FSTL5: variants seen among roughly 807,000 people sequenced by gnomAD.
FSTL5 encodes the protein follistatin-related protein 5.
A neutral mutation model predicts 89.1 loss-of-function variants in FSTL5; 62 were observed. That is an observed-to-expected ratio of 0.70 (90% confidence interval 0.57 to 0.86). The LOEUF (loss-of-function observed/expected upper bound fraction) is 0.86. Among genes scored for constraint, FSTL5 ranks in the 40% least tolerant of loss-of-function variants. The probability of loss-of-function intolerance (pLI) is 0.00; values close to 1 mark genes in which losing one functional copy is unlikely to be tolerated. For synonymous variants in FSTL5, 383 were observed against 346.2 expected (o/e 1.11, Z -1.18); for missense variants, 1,057 against 1,001.6 (o/e 1.06, Z -0.75).
intron 1 of FSTL5, among the ~76,000 whole-genome samples, chr4:162,128,834 A>G (rs1385169422): frequency 6.6e-6 from 1 of 152,168 alleles, no homozygotes; most frequent in Admixed American, 6.5e-5. Context: ...TCTCATTGTA[A>G]AAGACTTCAT....
intron 7 of FSTL5, among the ~76,000 whole-genome samples, chr4:161,610,313 A>G (rs923412447): frequency 3.3e-5 from 5 of 152,144 alleles, no homozygotes; most frequent in Non-Finnish European, 7.4e-5. Context: ...ACAAAACTGT[A>G]GTCTTTATTA....
intron 4 of FSTL5, among the ~76,000 whole-genome samples, chr4:161,853,826 G>T (rs577694903): frequency 6.6e-6 from 1 of 152,216 alleles, no homozygotes; most frequent in East Asian, 1.9e-4. Flanking sequence ...ACAGAAAACA[G>T]ACTGGGGGGA....
chr4:162,102,902 A>C (rs911198166), intron 2 of FSTL5, among the ~76,000 whole-genome samples: 1 of 151,620 alleles, frequency 6.6e-6, no homozygotes, highest in South Asian at 2.1e-4. Context: ...ATGCTGATGC[A>C]ACACTTTTTT....
At chr4:161,818,126 A>ACAGGCAGCTGGC (rs1274285432) in intron 4 of FSTL5, among the ~76,000 whole-genome samples, 1 of 152,188 alleles carries the variant, frequency 6.6e-6, no homozygotes, top group East Asian at 1.9e-4. Flanking sequence ...GGAGGAACAC[A>ACAGGCAGCTGGC]CAGGCAGCTG....
intron 4 of FSTL5, among the ~76,000 whole-genome samples, chr4:161,853,230 C>T (rs1341147077): frequency 6.6e-6 from 1 of 152,084 alleles, no homozygotes; most frequent in Non-Finnish European, 1.5e-5. Flanking sequence ...TCATGTAGAT[C>T]ATGTAGATTA....
chr4:162,162,362 A>G (rs1019597071), intron 1 of FSTL5, among the ~76,000 whole-genome samples: 6 of 152,160 alleles, frequency 3.9e-5, no homozygotes, highest in Non-Finnish European at 7.4e-5. Context: ...TAAGTACGAA[A>G]CAGCTTTATA....
chr4:161,847,501 T>TCAA (rs1407379662), intron 4 of FSTL5, among the ~76,000 whole-genome samples: 3 of 152,192 alleles, frequency 2.0e-5, no homozygotes, highest in African/African-American at 4.8e-5. Context: ...GCTCCAGAGC[T>TCAA]GGCTCTCCAA....
At chr4:161,898,220 T>C (rs902433822) in intron 4 of FSTL5, among the ~76,000 whole-genome samples, 1 of 151,082 alleles carries the variant, frequency 6.6e-6, no homozygotes, top group Non-Finnish European at 1.5e-5. Context: ...AGTATATTTA[T>C]ATTTTATTTT....
At chr4:162,091,971 GAATAT>G (rs139222394) in intron 2 of FSTL5, among the ~76,000 whole-genome samples, 113,432 of 150,084 alleles carry the variant, frequency 0.76, 43,800 homozygotes, top group Non-Finnish European at 0.84. Flanking sequence ...TTACCTTATA[GAATAT>G]ATTTTCTATA....
intron 2 of FSTL5, among the ~76,000 whole-genome samples, chr4:162,090,805 C>T (rs1730520687): frequency 6.6e-6 from 1 of 151,556 alleles, no homozygotes; most frequent in Non-Finnish European, 1.5e-5. Flanking sequence ...AGCAACAGAG[C>T]CAGAAACACA....
intron 8 of FSTL5, among the ~76,000 whole-genome samples, chr4:161,572,215 A>G (rs1218031882): frequency 6.8e-6 from 1 of 148,022 alleles, no homozygotes; most frequent in Admixed American, 6.8e-5. Context: ...GCTACTTGGG[A>G]GGCTGAGGCA....
At chr4:162,074,046 T>C (rs1393185355) in intron 2 of FSTL5, among the ~76,000 whole-genome samples, 7 of 151,790 alleles carry the variant, frequency 4.6e-5, no homozygotes, top group Admixed American at 4.6e-4. Flanking sequence ...AGAAATTAAA[T>C]TAGTTCAGCA....
chr4:161,779,996 A>G (rs1470263515), intron 4 of FSTL5, among the ~76,000 whole-genome samples: 1 of 148,616 alleles, frequency 6.7e-6, no homozygotes, highest in Non-Finnish European at 1.5e-5. Flanking sequence ...TTCAAGAAAC[A>G]GAGTGTGATG....
intron 4 of FSTL5, among the ~76,000 whole-genome samples, chr4:161,821,851 G>A (rs1730505867): frequency 6.6e-6 from 1 of 152,046 alleles, no homozygotes; most frequent in South Asian, 2.1e-4. Flanking sequence ...ATTTGAGCTG[G>A]TTTCATATTT....
chr4:161,558,445 AT>A (rs1343595461), intron 8 of FSTL5, among the ~76,000 whole-genome samples: 7 of 151,920 alleles, frequency 4.6e-5, no homozygotes, highest in Non-Finnish European at 8.8e-5. Flanking sequence ...GTAATTAAAT[AT>A]TTTTGGTCTA....
chr4:161,410,117 T>C (rs1480121550), intron 15 of FSTL5, among the ~76,000 whole-genome samples: 1 of 151,106 alleles, frequency 6.6e-6, no homozygotes, highest in Non-Finnish European at 1.5e-5. Context: ...TTTAAACCAA[T>C]AAAATTAAGA....
At chr4:161,902,827 C>T (rs1436007595) in intron 4 of FSTL5, among the ~76,000 whole-genome samples, 2 of 151,976 alleles carry the variant, frequency 1.3e-5, no homozygotes, top group South Asian at 2.1e-4. Flanking sequence ...CCAGCCTGGG[C>T]GACAGAGCAA....
At chr4:161,569,607 A>AT (rs1357789075) in intron 8 of FSTL5, among the ~76,000 whole-genome samples, 1 of 152,130 alleles carries the variant, frequency 6.6e-6, no homozygotes, top group African/African-American at 2.4e-5. Flanking sequence ...TATACCTTTG[A>AT]TTTTCCATCA....
chr4:162,094,286 C>T (rs1005401185), intron 2 of FSTL5, among the ~76,000 whole-genome samples: 4 of 152,114 alleles, frequency 2.6e-5, no homozygotes, highest in Non-Finnish European at 4.4e-5. Context: ...ACTTGGGAGG[C>T]TGAGGCAGGA....
Sources: gnomAD v4.1 joint callset for allele counts (sites outside exome capture counted in the v4.1 genomes callset) on GRCh38, gnomAD v4.1.1 for gene constraint, MANE v1.5 for transcripts, NCBI Gene and HGNC (gene_info 2026-07-23, HGNC 2026-07-21) for gene names.